Variants in PTPRT observed in about 807,000 individuals in gnomAD.
PTPRT encodes the protein protein tyrosine phosphatase receptor type T.
A neutral mutation model predicts 176.8 loss-of-function variants in PTPRT; 56 were observed. The observed-to-expected ratio is 0.32, with a 90% confidence interval of 0.26 to 0.40. The LOEUF (loss-of-function observed/expected upper bound fraction) is 0.40, where lower values mean the gene tolerates loss of function less well. Among genes scored for constraint, PTPRT ranks in the 10% least tolerant of loss-of-function variants. PTPRT has a pLI of 1.00. For synonymous variants in PTPRT, 783 were observed against 739.0 expected (o/e 1.06, Z -0.96); for missense variants, 1,540 against 1,908.2 (o/e 0.81, Z 3.60).
chr20:42,589,386 C>T (rs190699680), intron 7 of PTPRT, among the ~76,000 whole-genome samples: 75 of 152,254 alleles, frequency 4.9e-4, no homozygotes, highest in Non-Finnish European at 6.3e-4. Flanking sequence ...CTCAATTGTT[C>T]AAAAAGCAAG....
the PTPRT span, among the ~76,000 whole-genome samples, chr20:42,041,685 A>G: frequency 3.9e-5 from 6 of 152,168 alleles, no homozygotes; most frequent in African/African-American, 9.7e-5. Context: ...TCTGCGCTCA[A>G]TGTTCTCGTA....
chr20:42,215,599 GCT>G (rs1260260659), intron 15 of PTPRT, among the ~76,000 whole-genome samples: 1 of 115,586 alleles, frequency 8.7e-6, no homozygotes, highest in Admixed American at 8.6e-5. Flanking sequence ...GTTTCATCTT[GCT>G]CTATCCATAT....
intron 1 of PTPRT, among the ~76,000 whole-genome samples, chr20:42,948,303 C>A (rs1393325110): frequency 6.6e-6 from 1 of 152,154 alleles, no homozygotes; most frequent in African/African-American, 2.4e-5. Context: ...TTGAGCTGCC[C>A]TACACCTTAT....
At chr20:43,136,174 C>G (rs1294795394) in intron 1 of PTPRT, among the ~76,000 whole-genome samples, 1 of 152,162 alleles carries the variant, frequency 6.6e-6, no homozygotes, top group Non-Finnish European at 1.5e-5. Flanking sequence ...TAATTAATGG[C>G]GAGCCAGAAT....
At chr20:42,520,766 T>C (rs77647519) in intron 7 of PTPRT, among the ~76,000 whole-genome samples, 2,677 of 151,688 alleles carry the variant, frequency 0.018, 74 homozygotes, top group African/African-American at 0.062. Flanking sequence ...GATATCATTC[T>C]TTCCAGGGCT....
At chr20:42,826,060 G>T (rs1449775307) in intron 2 of PTPRT, among the ~76,000 whole-genome samples, 1 of 151,914 alleles carries the variant, frequency 6.6e-6, no homozygotes, top group African/African-American at 2.4e-5. Context: ...ACCTACATAA[G>T]ACTGAAAATG....
intron 23 of PTPRT, among the ~76,000 whole-genome samples, chr20:42,109,878 T>G (rs1221421687): frequency 6.6e-6 from 1 of 152,192 alleles, no homozygotes; most frequent in East Asian, 1.9e-4. Flanking sequence ...TGGCCACTAC[T>G]GCTATTCCTT....
chr20:43,099,731 T>G (rs150001814), intron 1 of PTPRT, among the ~76,000 whole-genome samples: 71 of 152,306 alleles, frequency 4.7e-4, no homozygotes, highest in African/African-American at 1.7e-3. Context: ...TTCAGGCCCA[T>G]CTTTAACAGC....
chr20:42,485,309 ATT>A (rs2071448426), intron 7 of PTPRT, among the ~76,000 whole-genome samples: 1 of 152,196 alleles, frequency 6.6e-6, no homozygotes, highest in African/African-American at 2.4e-5. Context: ...ATTTAAAGAA[ATT>A]AAAGGAAAAG....
At chr20:42,563,190 C>T (rs892715445) in intron 7 of PTPRT, among the ~76,000 whole-genome samples, 1 of 152,000 alleles carries the variant, frequency 6.6e-6, no homozygotes, top group African/African-American at 2.4e-5. Flanking sequence ...GCAAAGGGCT[C>T]TTGCAAAATA....
At chr20:42,475,754 C>T (rs1025724086) in intron 7 of PTPRT, among the ~76,000 whole-genome samples, 2 of 152,194 alleles carry the variant, frequency 1.3e-5, no homozygotes, top group Non-Finnish European at 2.9e-5. Context: ...TCTCCATTCT[C>T]CCTGGAGCTC....
chr20:42,749,941 C>G (rs149870509), intron 6 of PTPRT, among the ~76,000 whole-genome samples: 1 of 152,144 alleles, frequency 6.6e-6, no homozygotes, highest in Admixed American at 6.5e-5. Flanking sequence ...CGCTGAGGAG[C>G]CCACTGTTGC....
At chr20:42,991,699 G>T (rs1408617277) in intron 1 of PTPRT, among the ~76,000 whole-genome samples, 3 of 152,038 alleles carry the variant, frequency 2.0e-5, no homozygotes, top group South Asian at 4.1e-4. Context: ...ACTTAAAAAT[G>T]GTCAAAATGG....
In PTPRT at chr20:42,472,503, G is replaced by C. The variant is rs758441329; in HGVS notation, c.1213C>G (p.Leu405Val). The C allele has an allele frequency of 6.2e-7, 1 of 1,614,126 alleles. No homozygotes were observed. The highest frequency in any genetic ancestry group is 8.5e-7 in the Non-Finnish European group (1 of 1,180,052). ...GCGTAGCCGAAGGGCTCCCACTGCA[G>C]GGTCAGCTGCCGGGCTCTGATGTCT... The part of the protein sequence containing the change: ...IVDIRARQLT[L>V]QWEPFGYAVT... Residue 405 changes from leucine to valine, a missense_variant, in exon 8 of 31, where the codon CTG becomes GTG. Leu to Val is a conservative substitution (Grantham distance 32). Transcript: ENST00000373187.
chr20:42,414,473 T>A (rs2059046879), intron 9 of PTPRT, among the ~76,000 whole-genome samples: 1 of 152,206 alleles, frequency 6.6e-6, no homozygotes, highest in Non-Finnish European at 1.5e-5. Flanking sequence ...TAAAAACAGT[T>A]ATTATTTGCA....
At chr20:42,995,600 C>T (rs1299744820) in intron 1 of PTPRT, among the ~76,000 whole-genome samples, 1 of 152,100 alleles carries the variant, frequency 6.6e-6, no homozygotes, top group African/African-American at 2.4e-5. Context: ...GTACTGAGCA[C>T]AAAAATGTCA....
intron 9 of PTPRT, among the ~76,000 whole-genome samples, chr20:42,420,260 G>A (rs2059106125): frequency 6.6e-6 from 1 of 152,114 alleles, no homozygotes; most frequent in African/African-American, 2.4e-5. Context: ...ATTTATCTGA[G>A]GGCCTGAATA....
intron 1 of PTPRT, among the ~76,000 whole-genome samples, chr20:42,964,508 A>G (rs1382233334): frequency 1.6e-5 from 2 of 127,072 alleles, no homozygotes; most frequent in African/African-American, 6.0e-5. Context: ...TATAGAAAGG[A>G]AACTGTTAGA....
intron 16 of PTPRT, 75 bp from the exon 17 acceptor site, chr20:42,161,617 T>G (rs1989604544): frequency 6.7e-7 from 1 of 1,492,658 alleles, no homozygotes; most frequent in East Asian, 2.3e-5. Context: ...CTCCCCCAGC[T>G]TGGCCTGAGG....
Sources: allele counts gnomAD v4.1 joint callset (sites outside exome capture counted in the v4.1 genomes callset), GRCh38; gene constraint gnomAD v4.1.1; transcripts MANE v1.5; gene names NCBI Gene and HGNC (gene_info 2026-07-23, HGNC 2026-07-21).